Variants in VPS13D observed in about 807,000 individuals in gnomAD.
VPS13D encodes the protein vacuolar protein sorting 13 homolog D.
A neutral mutation model predicts 461.9 loss-of-function variants in VPS13D; 187 were observed. The observed-to-expected ratio is 0.40, with a 90% CI of 0.36 to 0.46. VPS13D has a LOEUF of 0.46. VPS13D is among the 20% of genes least tolerant of loss of function. The pLI is 0.60. For synonymous variants in VPS13D, 1,951 were observed against 1,986.3 expected (o/e 0.98, Z 0.47); for missense variants, 4,711 against 5,364.9 (o/e 0.88, Z 3.81).
chr1:12,358,623 G>A (rs773887121), intron 50 of VPS13D, 22 bp downstream of exon 50: 3 of 1,612,244 alleles, frequency 1.9e-6, no homozygotes, highest in Non-Finnish European at 2.5e-6. Context: ...TTGGGGCAGC[G>A]GGACAATCAG....
intron 65 of VPS13D, among the ~76,000 whole-genome samples, chr1:12,454,364 T>C (rs573838382): frequency 6.6e-6 from 1 of 152,088 alleles, no homozygotes; most frequent in East Asian, 1.9e-4. Context: ...CGTGTGGTGT[T>C]TCCAGTTGTC....
intron 7 of VPS13D, among the ~76,000 whole-genome samples, chr1:12,254,517 T>TTC (rs1640849843): frequency 8.1e-6 from 1 of 123,768 alleles, no homozygotes; most frequent in African/African-American, 3.8e-5. Flanking sequence ...CTCAATCTTT[T>TTC]TTTTTTTTTT....
intron 41 of VPS13D, 101 bp from the exon 42 acceptor site, chr1:12,342,798 G>T: frequency 7.3e-7 from 1 of 1,369,936 alleles, no homozygotes; most frequent in Non-Finnish European, 9.8e-7. Context: ...TTATTGCTGG[G>T]AATTGAGTTG....
chr1:12,361,007 C>T (rs905613115), intron 50 of VPS13D, among the ~76,000 whole-genome samples: 2 of 152,168 alleles, frequency 1.3e-5, no homozygotes, highest in South Asian at 2.1e-4. Context: ...GGTGCTGCTC[C>T]GGAGGCTGAC....
At chr1:12,312,151 T>C (rs1055235697) in intron 29 of VPS13D, among the ~76,000 whole-genome samples, 5 of 152,322 alleles carry the variant, frequency 3.3e-5, no homozygotes, top group African/African-American at 7.2e-5. Flanking sequence ...CCCCAAAGTA[T>C]CAGTGACTTA....
At chr1:12,379,434 C>A in intron 56 of VPS13D, 54 bp from the exon 57 acceptor site, 2 of 1,518,842 alleles carry the variant, frequency 1.3e-6, no homozygotes, top group Non-Finnish European at 9.1e-7. Flanking sequence ...TCCCTTCAGG[C>A]GTGAAACAGT....
chr1:12,338,140 G>A (rs780572441), intron 39 of VPS13D, 91 bp from the exon 40 acceptor site: 20 of 1,147,282 alleles, frequency 1.7e-5, no homozygotes, highest in Non-Finnish European at 2.5e-5. Flanking sequence ...TTTTTGTAAT[G>A]TTCTCTATTT....
At chr1:12,301,068 C>T (rs1416707550) in intron 25 of VPS13D, among the ~76,000 whole-genome samples, 5 of 152,104 alleles carry the variant, frequency 3.3e-5, no homozygotes, top group Admixed American at 2.6e-4. Flanking sequence ...TAAAAACTGC[C>T]GAAAATAGCA....
Position 12,392,545 on chromosome 1 carries a change from TAA to T in VPS13D, c.11634+6229_11634+6230del, listed in dbSNP as rs139602760. ...TAAAATAATATTATTGTATAAATGT[TAA>T]AAAAAAAAAAAAAAAAAGAAAGCAC... On this transcript the variant is annotated intron_variant, in intron 60 of 69. Transcript: ENST00000620676. Among the ~76,000 whole-genome samples, 170 of 129,262 alleles carry T rather than the reference TAA, an allele frequency of 1.3e-3. 1 individual carries two copies. Among genetic ancestry groups the T allele is most frequent in the African/African-American group, 1.6e-3 (58 of 35,358 alleles). The allele number at this position is 129,262 out of a possible 152,430, so 84.8% of individuals were successfully genotyped here.
chr1:12,346,756 A>G (rs867858409), intron 44 of VPS13D, 104 bp downstream of exon 44: 1 of 1,122,556 alleles, frequency 8.9e-7, no homozygotes, highest in African/African-American at 1.6e-5. Context: ...TTTATGACAT[A>G]TATGCGATTG....
rs1488076210 is a variant in VPS13D at position 12,319,369 on chromosome 1, A to G, written c.7415-128A>G. On this transcript the variant is annotated intron_variant, in intron 31 of 69. Transcript: ENST00000620676. ...ACACTGTTAGTAAATGTCAGCAGAC[A>G]TTTTGGAGAAAAATCTTACTGGTTC... The G allele has an allele frequency of 1.7e-5, 23 of 1,338,710 alleles. No individual in the cohort carries two copies. The African/African-American group carries it at 2.2e-4, about 13-fold the overall frequency. 82.9% of individuals were successfully genotyped at this position (1,338,710 alleles called of 1,614,324 possible).
intron 24 of VPS13D, 24 bp downstream of exon 24, chr1:12,293,728 C>T (rs370229980): frequency 8.1e-6 from 13 of 1,604,234 alleles, no homozygotes; most frequent in Non-Finnish European, 1.1e-5. Context: ...GCCCTCCAAG[C>T]TGCTTTTCCA....
chr1:12,311,383 T>G, intron 27 of VPS13D, 71 bp from the exon 28 acceptor site: 1 of 1,448,304 alleles, frequency 6.9e-7, no homozygotes, highest in Non-Finnish European at 9.2e-7. Context: ...AGCCCCGTTG[T>G]TTGGGCGTGA....
intron 66 of VPS13D, among the ~76,000 whole-genome samples, chr1:12,457,667 T>C (rs1645347969): frequency 6.6e-6 from 1 of 152,222 alleles, no homozygotes; most frequent in African/African-American, 2.4e-5. Flanking sequence ...CAGTAAAATA[T>C]TATATTTCTA....
intron 67 of VPS13D, among the ~76,000 whole-genome samples, chr1:12,466,644 G>A (rs1169235421): frequency 2.6e-5 from 4 of 151,762 alleles, no homozygotes; most frequent in Admixed American, 6.5e-5. Context: ...AGTCCGGTAC[G>A]CTGTAGTAGC....
intron 67 of VPS13D, among the ~76,000 whole-genome samples, chr1:12,465,530 G>T (rs1415185056): frequency 1.3e-5 from 2 of 152,216 alleles, no homozygotes; most frequent in Admixed American, 1.3e-4. Flanking sequence ...CTCGGATTGT[G>T]CACGTAGATG....
At chr1:12,285,262 TTATG>T (rs1641925889) in intron 21 of VPS13D, among the ~76,000 whole-genome samples, 1 of 150,542 alleles carries the variant, frequency 6.6e-6, no homozygotes, top group Non-Finnish European at 1.5e-5. Context: ...GTATTTTATT[TTATG>T]TATTTATTTA....
At chr1:12,232,595 TCA>T (rs975585850) in intron 1 of VPS13D, among the ~76,000 whole-genome samples, 13 of 151,322 alleles carry the variant, frequency 8.6e-5, no homozygotes, top group African/African-American at 2.9e-4. Flanking sequence ...CTTTTGTGTC[TCA>T]GTTTCCCTCA....
chr1:12,231,273 C>T (rs1482882357), intron 1 of VPS13D, among the ~76,000 whole-genome samples: 1 of 152,248 alleles, frequency 6.6e-6, no homozygotes, highest in Non-Finnish European at 1.5e-5. Flanking sequence ...GGGACTCTGG[C>T]CAGTCTGGCG....
Sources: gnomAD v4.1 joint callset for allele counts (sites outside exome capture counted in the v4.1 genomes callset) on GRCh38, gnomAD v4.1.1 for gene constraint, MANE v1.5 for transcripts, NCBI Gene and HGNC (gene_info 2026-07-23, HGNC 2026-07-21) for gene names.